The following OGFOD3 variants were observed in gnomAD, a reference collection of about 807,000 sequenced individuals.
The protein encoded by OGFOD3 is 2-oxoglutarate and iron-dependent oxygenase domain-containing protein 3.
In OGFOD3, 35 loss-of-function variants were observed where a neutral mutation model predicts 39.8. The observed-to-expected ratio is 0.88, with a 90% CI of 0.67 to 1.17. The LOEUF (loss-of-function observed/expected upper bound fraction) is 1.17, where lower values mean the gene tolerates loss of function less well. Ranked by LOEUF, OGFOD3 falls within the 50% of genes most tolerant of loss-of-function variation. OGFOD3 has a pLI of 0.00. For synonymous variants in OGFOD3, 200 were observed against 192.0 expected (o/e 1.04, Z -0.34); for missense variants, 438 against 454.5 (o/e 0.96, Z 0.33).
rs755887433 is a variant in OGFOD3 at position 82,392,382 on chromosome 17, T to A, written c.*16A>T. On this transcript the variant is annotated 3_prime_UTR_variant, in exon 9 of 9. Transcript: ENST00000313056. The surrounding 1 kb of genome is among the most constrained non-coding windows in gnomAD (Gnocchi z 4.2). ...CCACACGGGCCCTCCTGAAGTTACC[T>A]TGGCCCGGCTGCTGGCTACGGGAAC... The A allele has an allele frequency of 1.9e-6, 3 of 1,606,412 alleles. No homozygotes were observed. The South Asian group carries it at 3.4e-5, about 18-fold the overall frequency.
intron 1 of OGFOD3, chr17:82,417,149 G>T (rs986313629): frequency 6.6e-6 from 1 of 152,148 alleles, no homozygotes; most frequent in African/African-American, 2.4e-5. Flanking sequence ...TATTCTTTTG[G>T]AGAGATTTGG....
At chr17:82,407,265 C>CAA (rs35103178) in intron 4 of OGFOD3, among the ~76,000 whole-genome samples, 1 of 139,056 alleles carries the variant, frequency 7.2e-6, no homozygotes, top group East Asian at 2.0e-4. Flanking sequence ...AACTCCATCT[C>CAA]AAAAAAAAAA....
In OGFOD3 at chr17:82,403,842, AGCGCGCTCACCCTGCCCACGT is replaced by A. The variant is rs1167521882; in HGVS notation, c.699+74_699+94del. The A allele has an allele frequency of 4.8e-6, 6 of 1,247,522 alleles. No homozygotes were observed. In the African/African-American group the frequency reaches 1.0e-4, roughly 22 times the overall value. 77.3% of individuals were successfully genotyped at this position (1,247,522 alleles called of 1,614,324 possible). A position where few individuals can be genotyped will look rare whatever the true frequency, so the allele number is the denominator to read the frequency against. ...CACGGGCACGCTCACCTTGTCCACG[AGCGCGCTCACCCTGCCCACGT>A]GCGCACTCACCGTGCCCACGGGCAC... On this transcript the variant is annotated intron_variant, in intron 7 of 8. Coordinates refer to ENST00000313056, the MANE Select transcript of OGFOD3 (RefSeq NM_024648.3).
intron 2 of OGFOD3, among the ~76,000 whole-genome samples, chr17:82,413,178 G>C (rs113204664): frequency 5.3e-4 from 81 of 152,348 alleles, no homozygotes; most frequent in Middle Eastern, 6.8e-3. Flanking sequence ...GAGGACACAG[G>C]AAAGCGGAAA....
At chr17:82,407,070 A>G (rs1387421631) in intron 4 of OGFOD3, among the ~76,000 whole-genome samples, 1 of 152,116 alleles carries the variant, frequency 6.6e-6, no homozygotes, top group African/African-American at 2.4e-5. Flanking sequence ...ATACAAAATT[A>G]GCTGGGCATG....
rs2052589489 is a variant in OGFOD3, at chr17:82,390,757, G to C, written c.*1641C>G. On this transcript the variant is annotated 3_prime_UTR_variant, in exon 9 of 9. Transcript: ENST00000313056. The surrounding 1 kb of genome is among the most constrained non-coding windows in gnomAD (Gnocchi z 4.9). ...CCATGCCTCAGCTGGCCTCACGCCC[G>C]CTCCTTCCCAGGGGTCACCATGCCT... The C allele has an allele frequency of 5.8e-6, 1 of 171,812 alleles. No homozygotes were observed. Among genetic ancestry groups the C allele is most frequent in the South Asian group, 8.3e-5 (1 of 12,046 alleles). 10.6% of individuals were successfully genotyped at this position (171,812 alleles called of 1,614,324 possible).
At chr17:82,398,358 T>C (rs565005599) in intron 7 of OGFOD3, 39 bp from the exon 8 acceptor site, 2 of 1,612,670 alleles carry the variant, frequency 1.2e-6, no homozygotes, top group Non-Finnish European at 1.7e-6. Context: ...GAATGGGCTC[T>C]CAGCATGCGA....
chr17:82,412,119 C>T (rs1458240223), intron 2 of OGFOD3, among the ~76,000 whole-genome samples: 2 of 151,010 alleles, frequency 1.3e-5, no homozygotes, highest in Non-Finnish European at 2.9e-5. Context: ...GCAGAAAACC[C>T]TCCTGAGACC....
Position 82,399,309 on chromosome 17 carries a change from G to A in OGFOD3, c.700-990C>T, listed in dbSNP as rs562683627. Reference sequence around the variant, plus strand: ...AGCCGTGTTCCAGCAAAGGCTACGGGCAGCAGGCCAGCCAGCAGGGTGTGC... The same window carrying A: ...AGCCGTGTTCCAGCAAAGGCTACGGACAGCAGGCCAGCCAGCAGGGTGTGC... On this transcript the variant is annotated intron_variant, in intron 7 of 8. Coordinates refer to ENST00000313056, the MANE Select transcript of OGFOD3 (RefSeq NM_024648.3). Among the ~76,000 whole-genome samples the A allele has an allele frequency of 2.0e-5, 3 of 152,300 alleles. No individual in the cohort carries two copies. The South Asian group carries it at 6.2e-4, about 32-fold the overall frequency.
intron 4 of OGFOD3, among the ~76,000 whole-genome samples, chr17:82,408,607 T>A (rs957472098): frequency 6.6e-6 from 1 of 152,098 alleles, no homozygotes; most frequent in East Asian, 1.9e-4. Context: ...CCCTGCTCCC[T>A]CCCAGGGCTC....
chr17:82,395,638 G>A (rs1386626543), intron 8 of OGFOD3, among the ~76,000 whole-genome samples: 1 of 152,108 alleles, frequency 6.6e-6, no homozygotes, highest in Admixed American at 6.6e-5. Context: ...TGGCTAACAC[G>A]GTGAAACCCC....
chr17:82,415,733 G>T lies in OGFOD3; in HGVS notation c.75-106C>A. Reference sequence around the variant, plus strand: ...ACCATGACCCGGCCTTCACTCACACGTCACCCCTGAAACGAGGGCTTCCTG... The same window carrying T: ...ACCATGACCCGGCCTTCACTCACACTTCACCCCTGAAACGAGGGCTTCCTG... On this transcript the variant is annotated intron_variant, in intron 1 of 8. Coordinates refer to ENST00000313056, the MANE Select transcript of OGFOD3 (RefSeq NM_024648.3). The surrounding 1 kb of genome is among the most constrained non-coding windows in gnomAD (Gnocchi z 5.3). The T allele has an allele frequency of 3.0e-6, 3 of 1,000,226 alleles. No individual in the cohort carries two copies. Among genetic ancestry groups the T allele is most frequent in the Non-Finnish European group, 4.3e-6 (3 of 692,452 alleles). The allele number at this position is 1,000,226 out of a possible 1,614,324, so 62.0% of individuals were successfully genotyped here.
rs1431244464 is a variant in OGFOD3, at chr17:82,392,676, A to G, written c.824-142T>C. 1.0e-6 allele frequency: 1 copy of G among 977,550 alleles called. No homozygotes were observed. Among genetic ancestry groups the G allele is most frequent in the Non-Finnish European group, 1.5e-6 (1 of 672,934 alleles). 60.6% of individuals were successfully genotyped at this position (977,550 alleles called of 1,614,324 possible). A position where few individuals can be genotyped will look rare whatever the true frequency, so the allele number is the denominator to read the frequency against. On this transcript the variant is annotated intron_variant, in intron 8 of 8. Coordinates refer to ENST00000313056, the MANE Select transcript of OGFOD3 (RefSeq NM_024648.3). This position sits in a 1 kb window ranked among gnomAD's most constrained non-coding sequence, Gnocchi z 4.2. ...AGGCTGGAGAAATTGCCCCTCTGGGAACTGCTTCTGCAGGAAGGAGGAGCT... is the reference window on the plus strand; with the variant it reads ...AGGCTGGAGAAATTGCCCCTCTGGGGACTGCTTCTGCAGGAAGGAGGAGCT...
chr17:82,411,317 G>A, intron 3 of OGFOD3, 138 bp downstream of exon 3: 2 of 726,670 alleles, frequency 2.8e-6, no homozygotes, highest in Non-Finnish European at 4.6e-6. Flanking sequence ...CAAGTGCTGG[G>A]ATTACAGGCG....
intron 8 of OGFOD3, among the ~76,000 whole-genome samples, chr17:82,397,573 A>T (rs1430643215): frequency 6.6e-6 from 1 of 151,632 alleles, no homozygotes; most frequent in Non-Finnish European, 1.5e-5. Flanking sequence ...CACTCCCCAC[A>T]CCCTCCCACC....
chr17:82,405,615 G>C (rs1339663484), intron 5 of OGFOD3, among the ~76,000 whole-genome samples: 2 of 152,170 alleles, frequency 1.3e-5, no homozygotes, highest in African/African-American at 4.8e-5. Context: ...AGGAATTCGA[G>C]ACCATCCTGG....
intron 3 of OGFOD3, among the ~76,000 whole-genome samples, chr17:82,410,242 G>A (rs1599700932): frequency 6.6e-6 from 1 of 152,242 alleles, no homozygotes; most frequent in South Asian, 2.1e-4. Context: ...TAACCCCACT[G>A]GAGCTAGGCA....
In OGFOD3 at chr17:82,389,901, G is replaced by T. The variant is rs2052581249; in HGVS notation, c.*2497C>A. ...CCGGGCATGGTGGCGGGCGCCTGTAGTCCCAGCTACTCGGGAGGTTGAGGC... is the reference window on the plus strand; with the variant it reads ...CCGGGCATGGTGGCGGGCGCCTGTATTCCCAGCTACTCGGGAGGTTGAGGC... On this transcript the variant is annotated 3_prime_UTR_variant, in exon 9 of 9. Coordinates refer to ENST00000313056, the MANE Select transcript of OGFOD3 (RefSeq NM_024648.3). This position sits in a 1 kb window ranked among gnomAD's most constrained non-coding sequence, Gnocchi z 4.6. 1 of 152,134 alleles carries T rather than the reference G, an allele frequency of 6.6e-6. No homozygotes were observed. The highest frequency in any genetic ancestry group is 2.4e-5 in the African/African-American group (1 of 41,398). 9.4% of individuals were successfully genotyped at this position (152,134 alleles called of 1,614,324 possible). A position where few individuals can be genotyped will look rare whatever the true frequency, so the allele number is the denominator to read the frequency against.
chr17:82,408,685 C>G (rs922892743), intron 4 of OGFOD3, among the ~76,000 whole-genome samples: 2 of 152,188 alleles, frequency 1.3e-5, no homozygotes, highest in African/African-American at 4.8e-5. Flanking sequence ...CATCACAGGA[C>G]CTTTTCCTCC....
Sources: allele counts gnomAD v4.1 joint callset (sites outside exome capture counted in the v4.1 genomes callset), GRCh38; gene constraint gnomAD v4.1.1; non-coding constraint Gnocchi (gnomAD v3.1); transcripts MANE v1.5; gene names NCBI Gene and HGNC (gene_info 2026-07-23, HGNC 2026-07-21).